The following ZCCHC14 variants were observed in gnomAD, a reference collection of about 807,000 sequenced individuals.
The protein encoded by ZCCHC14 is zinc finger CCHC domain-containing protein 14.
A neutral mutation model predicts 85.0 loss-of-function variants in ZCCHC14; 16 were observed. The ratio of observed to expected loss-of-function variants is 0.19; its 90% CI spans 0.13 to 0.29. ZCCHC14 has a LOEUF of 0.29. Ranked by LOEUF, ZCCHC14 falls within the 10% of genes least tolerant of loss-of-function variation. The pLI, the probability that ZCCHC14 is intolerant of heterozygous loss-of-function variation, is 1.00. For synonymous variants in ZCCHC14, 775 were observed against 630.7 expected (o/e 1.23, Z -3.43); for missense variants, 1,303 against 1,443.5 (o/e 0.90, Z 1.58).
chr16:87,421,821 G>A (rs1019056708), intron 4 of ZCCHC14, among the ~76,000 whole-genome samples: 2 of 152,080 alleles, frequency 1.3e-5, no homozygotes, highest in African/African-American at 4.8e-5. Flanking sequence ...CCCCACTAAG[G>A]GCCCTGGCAG....
At chr16:87,462,217 T>C (rs1911297283) in intron 1 of ZCCHC14, among the ~76,000 whole-genome samples, 1 of 152,202 alleles carries the variant, frequency 6.6e-6, no homozygotes, top group Admixed American at 6.5e-5. Flanking sequence ...ATAAAATTTT[T>C]TGAATTTCTT....
At chr16:87,434,110 A>C (rs528134324) in intron 2 of ZCCHC14, among the ~76,000 whole-genome samples, 67 of 152,276 alleles carry the variant, frequency 4.4e-4, no homozygotes, top group Non-Finnish European at 8.5e-4. Context: ...GAGCGGCCTC[A>C]CCAGGGAGCC....
At position 87,412,312 on chromosome 16, in the gene ZCCHC14, G is replaced by A. The variant is rs774415913; in HGVS notation, c.2409C>T (p.Pro803=). The change falls in exon 12 of 13, where the codon CCC becomes CCT. Residue 803 remains proline (P), a synonymous_variant. Transcript: ENST00000671377. The part of the protein sequence containing the change: ...SCPNNVQISV[P]PAIINPRTAL... ...CAGTCCGGGGGTTTATTATTGCAGG[G>A]GGCACACTTATTTGCACATTATTAG... is the stretch of plus-strand genomic sequence containing the variant. The A allele has an allele frequency of 3.1e-6, 5 of 1,613,966 alleles. No individual in the cohort carries two copies. The highest frequency in any genetic ancestry group is 4.2e-6 in the Non-Finnish European group (5 of 1,180,042).
intron 3 of ZCCHC14, among the ~76,000 whole-genome samples, chr16:87,424,107 A>T (rs1909245192): frequency 1.3e-5 from 2 of 152,216 alleles, no homozygotes; most frequent in Non-Finnish European, 2.9e-5. Flanking sequence ...TTATTCAGAT[A>T]TCACCAAATT....
chr16:87,411,497 G>T lies in ZCCHC14; in HGVS notation c.3205+19C>A, dbSNP rs751542688. On this transcript the variant is annotated intron_variant, in intron 12 of 12. Transcript: ENST00000671377. ...GGTCCTGCGGGAGCCTGGTGGGCGC[G>T]GCCATGGCGCGCGCTTACCTGGCCG... The T allele has an allele frequency of 2.5e-6, 4 of 1,611,936 alleles. No homozygotes were observed. The highest frequency in any genetic ancestry group is 3.4e-6 in the Non-Finnish European group (4 of 1,179,362).
intron 1 of ZCCHC14, among the ~76,000 whole-genome samples, chr16:87,488,474 A>C (rs1912611189): frequency 6.6e-6 from 1 of 152,162 alleles, no homozygotes; most frequent in South Asian, 2.1e-4. Flanking sequence ...CCACTTTTAC[A>C]CCTCTAGAAG....
At chr16:87,429,717 C>G (rs188864747) in intron 3 of ZCCHC14, among the ~76,000 whole-genome samples, 1 of 152,232 alleles carries the variant, frequency 6.6e-6, no homozygotes, top group South Asian at 2.1e-4. Context: ...AGCAATTCTC[C>G]TGCCTCAGCC....
chr16:87,440,808 G>A (rs992703069), intron 2 of ZCCHC14, among the ~76,000 whole-genome samples: 9 of 150,848 alleles, frequency 6.0e-5, no homozygotes, highest in Admixed American at 2.0e-4. Flanking sequence ...ACGGGGTTTC[G>A]CCATGTCACC....
intron 1 of ZCCHC14, among the ~76,000 whole-genome samples, chr16:87,465,578 T>C (rs1291274889): frequency 6.6e-6 from 1 of 152,220 alleles, no homozygotes; most frequent in East Asian, 1.9e-4. Flanking sequence ...GCAGCCCGCC[T>C]CTGGCTCTTA....
intron 1 of ZCCHC14, 82 bp from the exon 2 acceptor site, chr16:87,460,213 A>G: frequency 6.6e-7 from 1 of 1,513,154 alleles, no homozygotes; most frequent in East Asian, 2.3e-5. Flanking sequence ...TAAGTCTTTC[A>G]TAATTACCTT....
In ZCCHC14 at chr16:87,419,815, G is replaced by A. The variant is rs967865735; in HGVS notation, c.1013C>T (p.Thr338Ile). The change falls in exon 6 of 13, where the codon ACT becomes ATT. Residue 338 changes from threonine (T) to isoleucine (I), a missense_variant. Thr to Ile is a moderately conservative substitution (Grantham distance 89, BLOSUM62 -1). Transcript: ENST00000671377. Reference protein sequence around the residue: ...KNDHVRRFLSTSSPPQQLQSP... With the variant: ...KNDHVRRFLSISSPPQQLQSP... ...CTGAAGCTGCTGTGGGGGAGAGGAA[G>A]TGCTGAGAAACCTCCTGACATGGTC... 1.9e-6 allele frequency: 3 copies of A among 1,611,894 alleles called. No homozygotes were observed. The highest frequency in any genetic ancestry group is 3.4e-5 in the Admixed American group (2 of 59,686).
intron 2 of ZCCHC14, among the ~76,000 whole-genome samples, chr16:87,447,294 G>A (rs1456159863): frequency 1.3e-5 from 2 of 152,126 alleles, no homozygotes; most frequent in Non-Finnish European, 2.9e-5. Context: ...AAACGGCAAG[G>A]GGGTCAGGTG....
At chr16:87,460,930 A>G (rs1911227314) in intron 1 of ZCCHC14, among the ~76,000 whole-genome samples, 1 of 152,222 alleles carries the variant, frequency 6.6e-6, no homozygotes, top group Admixed American at 6.5e-5. Flanking sequence ...ATATCCTAAA[A>G]TTACATCCCA....
At chr16:87,471,207 T>C (rs1307145640) in intron 1 of ZCCHC14, 1 of 152,230 alleles carries the variant, frequency 6.6e-6, no homozygotes, top group African/African-American at 2.4e-5. Flanking sequence ...TAAATACTTT[T>C]AAGTTAACGT....
chr16:87,465,146 G>A (rs537647606), intron 1 of ZCCHC14, among the ~76,000 whole-genome samples: 4 of 152,314 alleles, frequency 2.6e-5, no homozygotes, highest in African/African-American at 7.2e-5. Flanking sequence ...GCCTGGAAGC[G>A]CCCCTGTGCC....
At chr16:87,456,980 G>A (rs1455431889) in intron 2 of ZCCHC14, among the ~76,000 whole-genome samples, 2 of 152,200 alleles carry the variant, frequency 1.3e-5, no homozygotes, top group Non-Finnish European at 2.9e-5. Flanking sequence ...GAGAGTATTA[G>A]TAAAAGCAGT....
intron 2 of ZCCHC14, among the ~76,000 whole-genome samples, chr16:87,433,496 C>T (rs1007662012): frequency 1.3e-5 from 2 of 152,204 alleles, no homozygotes; most frequent in Non-Finnish European, 2.9e-5. Context: ...GAGAGCCCAG[C>T]AGTAGCTACA....
intron 1 of ZCCHC14, among the ~76,000 whole-genome samples, chr16:87,462,625 A>G (rs538594880): frequency 1.2e-3 from 188 of 152,168 alleles, no homozygotes; most frequent in Non-Finnish European, 2.0e-3. Flanking sequence ...TTGTAGTCCC[A>G]GCTACTCGGG....
Position 87,492,917 on chromosome 16 carries a change from G to GCGACGGCGACGGCGACGGCGA in ZCCHC14, c.-680_-679insTCGCCGTCGCCGTCGCCGTCG, listed in dbSNP as rs1391724629. 6.9e-6 allele frequency among the ~76,000 whole-genome samples: 1 copy of GCGACGGCGACGGCGACGGCGA among 145,240 alleles called. No homozygotes were observed. Among genetic ancestry groups the GCGACGGCGACGGCGACGGCGA allele is most frequent in the African/African-American group, 2.6e-5 (1 of 38,976 alleles). ...GGATCCGGGCCCGAGCGCGGCGGCGGCGGCGACGGCGACGGCGACGGCGAC... is the reference window on the plus strand; with the variant it reads ...GGATCCGGGCCCGAGCGCGGCGGCGGCGACGGCGACGGCGACGGCGACGGCGACGGCGACGGCGACGGCGAC... On this transcript the variant is annotated 5_prime_UTR_variant, in exon 1 of 13. Transcript: ENST00000671377. The surrounding 1 kb of genome is among the most constrained non-coding windows in gnomAD (Gnocchi z 6.7).
Sources: gnomAD v4.1 joint callset for allele counts (sites outside exome capture counted in the v4.1 genomes callset) on GRCh38, gnomAD v4.1.1 for gene constraint, Gnocchi (gnomAD v3.1) non-coding constraint, MANE v1.5 for transcripts, NCBI Gene and HGNC (gene_info 2026-07-23, HGNC 2026-07-21) for gene names.